DOK6: variants seen among roughly 807,000 people sequenced by gnomAD.
The protein encoded by DOK6 is docking protein 6.
Under a neutral mutation model 44.0 loss-of-function variants are expected in DOK6, and 22 were observed. The ratio of observed to expected loss-of-function variants is 0.50; its 90% CI spans 0.36 to 0.71. The LOEUF (loss-of-function observed/expected upper bound fraction) is 0.71, where lower values mean the gene tolerates loss of function less well. Among genes scored for constraint, DOK6 ranks in the 30% least tolerant of loss-of-function variants. The pLI is 0.00. For synonymous variants in DOK6, 166 were observed against 145.5 expected (o/e 1.14, Z -1.01); for missense variants, 340 against 416.4 (o/e 0.82, Z 1.60).
At chr18:69,518,561 A>C (rs1981597446) in intron 1 of DOK6, among the ~76,000 whole-genome samples, 1 of 148,766 alleles carries the variant, frequency 6.7e-6, no homozygotes, top group Non-Finnish European at 1.5e-5. Context: ...AGGTTATCAC[A>C]GTTGAGGTCA....
At chr18:69,747,593 G>GCCCCCACCC (rs1356674601) in intron 6 of DOK6, among the ~76,000 whole-genome samples, 1 of 148,276 alleles carries the variant, frequency 6.7e-6, no homozygotes, top group African/African-American at 2.5e-5. Flanking sequence ...TTTCCGCTCC[G>GCCCCCACCC]CCCCCTCCCC....
chr18:69,646,256 T>C (rs1209163614), intron 3 of DOK6, among the ~76,000 whole-genome samples: 1 of 152,168 alleles, frequency 6.6e-6, no homozygotes, highest in Non-Finnish European at 1.5e-5. Context: ...CATATTTTAG[T>C]TACTTTTCCT....
At chr18:69,789,103 T>C (rs1320419367) in intron 7 of DOK6, among the ~76,000 whole-genome samples, 2 of 152,170 alleles carry the variant, frequency 1.3e-5, no homozygotes, top group African/African-American at 4.8e-5. Flanking sequence ...GACCATGTAT[T>C]TGAGTTACAA....
intron 5 of DOK6, among the ~76,000 whole-genome samples, chr18:69,700,635 G>C (rs2144705197): frequency 6.6e-6 from 1 of 152,096 alleles, no homozygotes; most frequent in Non-Finnish European, 1.5e-5. Flanking sequence ...CTGAATTTTG[G>C]GTGTCATTTG....
chr18:69,775,349 T>C (rs1980029279), intron 7 of DOK6, among the ~76,000 whole-genome samples: 1 of 151,922 alleles, frequency 6.6e-6, no homozygotes, highest in African/African-American at 2.4e-5. Flanking sequence ...AAACCTAATA[T>C]ACATTAACTT....
rs573494554 is a variant in DOK6 at position 69,607,141 on chromosome 18, A to G, written c.289+7643A>G. Among the ~76,000 whole-genome samples, 5 of 152,280 alleles carry G rather than the reference A, an allele frequency of 3.3e-5. No homozygotes were observed. In the South Asian group the frequency reaches 1.0e-3, roughly 32 times the overall value. On this transcript the variant is annotated intron_variant, in intron 3 of 7. Coordinates refer to ENST00000382713, the MANE Select transcript of DOK6 (RefSeq NM_152721.6). ...CACAGTTGCAGAACCCAGAACCAGAAACTAGGCCCTTTTTGAACAACCAGC... is the reference window on the plus strand; with the variant it reads ...CACAGTTGCAGAACCCAGAACCAGAGACTAGGCCCTTTTTGAACAACCAGC...
At chr18:69,454,293 A>C (rs1327710697) in intron 1 of DOK6, among the ~76,000 whole-genome samples, 193 of 126,202 alleles carry the variant, frequency 1.5e-3, no homozygotes, top group Admixed American at 2.2e-3. Context: ...ATGCAGCCAA[A>C]AGACACATGA....
chr18:69,817,168 A>G (rs574500841), intron 7 of DOK6, among the ~76,000 whole-genome samples: 16 of 152,212 alleles, frequency 1.1e-4, no homozygotes, highest in South Asian at 2.1e-4. Context: ...TTCATAAAAC[A>G]TTTTTATACA....
chr18:69,638,794 T>C (rs1026674030), intron 3 of DOK6, among the ~76,000 whole-genome samples: 22 of 152,280 alleles, frequency 1.4e-4, no homozygotes, highest in African/African-American at 5.1e-4. Flanking sequence ...TTTAAGAAAA[T>C]ATGTTAATGT....
At chr18:69,822,375 A>G (rs751311358) in intron 7 of DOK6, among the ~76,000 whole-genome samples, 16 of 152,236 alleles carry the variant, frequency 1.1e-4, no homozygotes, top group Non-Finnish European at 1.9e-4. Flanking sequence ...GACAATGGGC[A>G]GTTTATTACT....
At chr18:69,832,500 A>G (rs1476355994) in intron 7 of DOK6, 2 of 151,854 alleles carry the variant, frequency 1.3e-5, no homozygotes, top group East Asian at 1.9e-4. Context: ...CTTTTTTTCT[A>G]TATTTTTCTG....
intron 3 of DOK6, among the ~76,000 whole-genome samples, chr18:69,644,133 C>T (rs1985011789): frequency 6.6e-6 from 1 of 151,948 alleles, no homozygotes; most frequent in African/African-American, 2.4e-5. Context: ...TTGGAGAGTT[C>T]TTTATAAATT....
intron 3 of DOK6, among the ~76,000 whole-genome samples, chr18:69,666,612 T>C (rs898669809): frequency 3.3e-5 from 5 of 152,162 alleles, no homozygotes; most frequent in Admixed American, 2.0e-4. Flanking sequence ...CATGTTGCCA[T>C]TTGCTATTAT....
chr18:69,564,790 CAA>C (rs1027570560), intron 2 of DOK6, among the ~76,000 whole-genome samples, 196 bp downstream of exon 2: 19 of 152,214 alleles, frequency 1.2e-4, no homozygotes, highest in African/African-American at 4.1e-4. Context: ...TGTGCAAAAC[CAA>C]AGACTCATTT....
chr18:69,734,350 T>C (rs1234601852), intron 5 of DOK6, among the ~76,000 whole-genome samples: 2 of 126,336 alleles, frequency 1.6e-5, no homozygotes, highest in African/African-American at 2.9e-5. Flanking sequence ...TAGAGTTTCT[T>C]AGATTAAAGT....
At chr18:69,638,768 A>G (rs1183415604) in intron 3 of DOK6, among the ~76,000 whole-genome samples, 1 of 152,168 alleles carries the variant, frequency 6.6e-6, no homozygotes, top group Non-Finnish European at 1.5e-5. Flanking sequence ...TCATTCTCTA[A>G]AGGATTTGAT....
intron 3 of DOK6, among the ~76,000 whole-genome samples, chr18:69,630,916 G>A (rs185345911): frequency 1.3e-5 from 2 of 152,158 alleles, no homozygotes; most frequent in East Asian, 3.9e-4. Context: ...AAAAGTAGAT[G>A]CCCCAAGTAA....
At chr18:69,730,349 A>T (rs1402815965) in intron 5 of DOK6, among the ~76,000 whole-genome samples, 1 of 152,238 alleles carries the variant, frequency 6.6e-6, no homozygotes, top group East Asian at 1.9e-4. Flanking sequence ...AGATAATGAG[A>T]TATTAGAAGT....
At chr18:69,755,326 A>G (rs1432464052) in intron 6 of DOK6, among the ~76,000 whole-genome samples, 3 of 152,220 alleles carry the variant, frequency 2.0e-5, no homozygotes, top group Non-Finnish European at 4.4e-5. Flanking sequence ...CCAGAATAAA[A>G]AAAAGAGAAG....
Sources: allele counts gnomAD v4.1 joint callset (sites outside exome capture counted in the v4.1 genomes callset), GRCh38; gene constraint gnomAD v4.1.1; transcripts MANE v1.5; gene names NCBI Gene and HGNC (gene_info 2026-07-23, HGNC 2026-07-21).